The following ZMAT4 variants were observed in gnomAD, a reference collection of about 807,000 sequenced individuals.
ZMAT4 encodes the protein zinc finger matrin-type 4.
Under a neutral mutation model 28.7 loss-of-function variants are expected in ZMAT4, and 17 were observed. That is an observed-to-expected ratio of 0.59 (90% CI 0.41 to 0.89). The LOEUF is 0.89. ZMAT4 is among the 40% of genes least tolerant of loss of function. The pLI, the probability that ZMAT4 is intolerant of heterozygous loss-of-function variation, is 0.00. For missense variants in ZMAT4, 240 were observed against 283.8 expected (o/e 0.85, Z 1.11); for synonymous variants, 117 against 109.2 (o/e 1.07, Z -0.44).
intron 5 of ZMAT4, among the ~76,000 whole-genome samples, chr8:40,643,225 T>C (rs947991453): frequency 1.3e-5 from 2 of 152,102 alleles, no homozygotes; most frequent in African/African-American, 4.8e-5. Context: ...GCCTTTTGTT[T>C]CCACGGTGGC....
intron 4 of ZMAT4, among the ~76,000 whole-genome samples, chr8:40,679,763 T>C (rs561449616): frequency 1.3e-5 from 2 of 152,330 alleles, no homozygotes; most frequent in East Asian, 3.9e-4. Flanking sequence ...CATTCTGTAA[T>C]TGTCTACATT....
intron 1 of ZMAT4, among the ~76,000 whole-genome samples, chr8:40,866,411 C>T (rs1817678572): frequency 6.6e-6 from 1 of 152,208 alleles, no homozygotes; most frequent in Non-Finnish European, 1.5e-5. Flanking sequence ...ACCCCAGGCA[C>T]GTTTCCAACA....
intron 2 of ZMAT4, among the ~76,000 whole-genome samples, chr8:40,813,695 G>A (rs1031013188): frequency 2.0e-5 from 3 of 152,240 alleles, no homozygotes; most frequent in African/African-American, 7.2e-5. Context: ...GGCCAAACCT[G>A]AAGAAGCTAA....
intron 2 of ZMAT4, among the ~76,000 whole-genome samples, chr8:40,801,361 T>TATATGTATAC (rs1233698933): frequency 6.9e-5 from 10 of 145,096 alleles, no homozygotes; most frequent in Non-Finnish European, 1.3e-4. Context: ...AATATATATA[T>TATATGTATAC]ATATATATAT....
chr8:40,850,647 C>T (rs1817070178), intron 1 of ZMAT4, among the ~76,000 whole-genome samples: 1 of 152,190 alleles, frequency 6.6e-6, no homozygotes. Flanking sequence ...CTAGAGCTGT[C>T]TCCAGTCCCT....
At chr8:40,630,373 A>G (rs1806530550) in intron 5 of ZMAT4, among the ~76,000 whole-genome samples, 1 of 152,218 alleles carries the variant, frequency 6.6e-6, no homozygotes, top group African/African-American at 2.4e-5. Flanking sequence ...TATCTTCTCT[A>G]GACCTCATAT....
intron 3 of ZMAT4, among the ~76,000 whole-genome samples, chr8:40,765,243 A>G (rs1419076187): frequency 6.6e-6 from 1 of 151,650 alleles, no homozygotes; most frequent in East Asian, 2.0e-4. Context: ...CAGTCTCTCA[A>G]TTCTTAGGTA....
At chr8:40,760,706 G>C (rs201303843) in intron 3 of ZMAT4, among the ~76,000 whole-genome samples, 1 of 142,402 alleles carries the variant, frequency 7.0e-6, no homozygotes. Flanking sequence ...CTCTGTCACA[G>C]TCTCTCTCTC....
At chr8:40,841,755 C>T (rs1352321982) in intron 1 of ZMAT4, among the ~76,000 whole-genome samples, 2 of 152,208 alleles carry the variant, frequency 1.3e-5, no homozygotes, top group African/African-American at 4.8e-5. Context: ...AGATAAAATG[C>T]ACTGGGAATG....
chr8:40,811,957 C>T (rs1018968712), intron 2 of ZMAT4, among the ~76,000 whole-genome samples: 1 of 152,012 alleles, frequency 6.6e-6, no homozygotes, highest in African/African-American at 2.4e-5. Flanking sequence ...ATGATGAAAT[C>T]CCGTCTCTAC....
Position 40,879,077 on chromosome 8 carries a change from T to C in ZMAT4, c.-5+18606A>G, listed in dbSNP as rs1019225429. On this transcript the variant is annotated intron_variant, in intron 1 of 6. Transcript: ENST00000297737. Reference sequence around the variant, plus strand: ...ATGCAAACGAGGACAGGCAATGCACTGTGCCTGATGCTGTCTCCACAGCAC... The same window carrying C: ...ATGCAAACGAGGACAGGCAATGCACCGTGCCTGATGCTGTCTCCACAGCAC... 3.3e-5 allele frequency among the ~76,000 whole-genome samples: 5 copies of C among 152,322 alleles called. No individual in the cohort carries two copies. The South Asian group carries it at 6.2e-4, about 19-fold the overall frequency.
chr8:40,569,611 A>G (rs1317956812), intron 6 of ZMAT4, among the ~76,000 whole-genome samples: 1 of 152,168 alleles, frequency 6.6e-6, no homozygotes, highest in Non-Finnish European at 1.5e-5. Context: ...ATTAGAGTTT[A>G]TGCTCTGTAT....
intron 5 of ZMAT4, among the ~76,000 whole-genome samples, chr8:40,672,791 G>A (rs1056654174): frequency 8.5e-5 from 13 of 152,126 alleles, no homozygotes; most frequent in African/African-American, 2.4e-4. Context: ...ATTGCAGTTA[G>A]GCCTTCAGCT....
At chr8:40,853,748 C>T (rs1817199161) in intron 1 of ZMAT4, among the ~76,000 whole-genome samples, 1 of 152,064 alleles carries the variant, frequency 6.6e-6, no homozygotes, top group South Asian at 2.1e-4. Context: ...TTGCTTTTAC[C>T]TCATCAGTCT....
chr8:40,720,896 G>T (rs1295463964), intron 3 of ZMAT4, among the ~76,000 whole-genome samples: 1 of 152,124 alleles, frequency 6.6e-6, no homozygotes, highest in Non-Finnish European at 1.5e-5. Flanking sequence ...GGGAAGGGGG[G>T]GAAATAGAGG....
chr8:40,710,037 CA>C (rs35882795), intron 3 of ZMAT4, among the ~76,000 whole-genome samples: 3,117 of 78,222 alleles, frequency 0.04, 27 homozygotes, highest in Non-Finnish European at 0.053. Context: ...GACCCAGTCT[CA>C]AAAAAAAAAA....
At chr8:40,836,743 G>A (rs1247846414) in intron 1 of ZMAT4, among the ~76,000 whole-genome samples, 1 of 152,214 alleles carries the variant, frequency 6.6e-6, no homozygotes, top group African/African-American at 2.4e-5. Flanking sequence ...ACAAGATTCA[G>A]GATGATGATT....
At chr8:40,815,655 G>A (rs1461374580) in intron 2 of ZMAT4, among the ~76,000 whole-genome samples, 1 of 152,192 alleles carries the variant, frequency 6.6e-6, no homozygotes, top group East Asian at 1.9e-4. Flanking sequence ...TCAGGACCTA[G>A]GAGACAGCTG....
chr8:40,856,316 G>T (rs548962792), intron 1 of ZMAT4, among the ~76,000 whole-genome samples: 1 of 152,234 alleles, frequency 6.6e-6, no homozygotes, highest in Admixed American at 6.5e-5. Flanking sequence ...CATGGAGGAA[G>T]TGGAATTCAG....
Sources: allele counts gnomAD v4.1 joint callset (sites outside exome capture counted in the v4.1 genomes callset), GRCh38; gene constraint gnomAD v4.1.1; transcripts MANE v1.5; gene names NCBI Gene and HGNC (gene_info 2026-07-23, HGNC 2026-07-21).